SFMBT2: variants seen among roughly 807,000 people sequenced by gnomAD.
The protein encoded by SFMBT2 is Scm like with four mbt domains 2, also known as scm-like with four MBT domains protein 2.
SFMBT2 carries 38 observed loss-of-function variants against 110.1 expected under a neutral mutation model. The observed-to-expected ratio is 0.35, with a 90% CI of 0.27 to 0.45. The LOEUF is 0.45. Among genes scored for constraint, SFMBT2 ranks in the 20% least tolerant of loss-of-function variants. The probability of loss-of-function intolerance (pLI) is 1.00; values close to 1 mark genes in which losing one functional copy is unlikely to be tolerated. For missense variants in SFMBT2, 1,011 were observed against 1,094.9 expected (o/e 0.92, Z 1.08); for synonymous variants, 425 against 425.4 (o/e 1.00, Z 0.01).
chr10:7,194,466 T>G (rs1412529403), intron 15 of SFMBT2, among the ~76,000 whole-genome samples: 1 of 152,206 alleles, frequency 6.6e-6, no homozygotes, highest in Admixed American at 6.5e-5. Context: ...CGTCTATTTC[T>G]GGCAGAACAG....
chr10:7,328,438 T>C (rs555526713), intron 4 of SFMBT2, among the ~76,000 whole-genome samples: 1 of 152,368 alleles, frequency 6.6e-6, no homozygotes, highest in East Asian at 1.9e-4. Context: ...ATTTCATTCT[T>C]TTAAGTGTCC....
intron 4 of SFMBT2, among the ~76,000 whole-genome samples, chr10:7,336,919 A>AG (rs1843732246): frequency 6.6e-6 from 1 of 152,218 alleles, no homozygotes; most frequent in Admixed American, 6.5e-5. Context: ...GTATTCAATG[A>AG]GAAAAACTCA....
intron 9 of SFMBT2, among the ~76,000 whole-genome samples, chr10:7,230,271 C>A (rs1370929582): frequency 1.3e-5 from 2 of 152,164 alleles, no homozygotes; most frequent in African/African-American, 4.8e-5. Context: ...TCCCCTCCAG[C>A]TAAATGGCTC....
chr10:7,182,529 A>G (rs1838274296), intron 16 of SFMBT2, among the ~76,000 whole-genome samples: 1 of 152,176 alleles, frequency 6.6e-6, no homozygotes, highest in Admixed American at 6.5e-5. Flanking sequence ...ATGGACTACT[A>G]TGCAGCCATA....
chr10:7,267,252 C>T (rs1044596450), intron 7 of SFMBT2, among the ~76,000 whole-genome samples: 4 of 152,184 alleles, frequency 2.6e-5, no homozygotes, highest in Non-Finnish European at 5.9e-5. Flanking sequence ...TTCTGGACTT[C>T]ACCCCATTGC....
At chr10:7,327,058 A>C (rs1843406086) in intron 4 of SFMBT2, among the ~76,000 whole-genome samples, 1 of 150,928 alleles carries the variant, frequency 6.6e-6, no homozygotes, top group African/African-American at 2.4e-5. Context: ...CATACGAGGG[A>C]CTTTTGCCCC....
chr10:7,348,396 G>A, intron 4 of SFMBT2: 5 of 1,345,116 alleles, frequency 3.7e-6, no homozygotes, highest in Non-Finnish European at 4.9e-6. Context: ...TCCATGATGG[G>A]CTTTGGGGGG....
chr10:7,298,958 C>T (rs1269723647), intron 4 of SFMBT2, among the ~76,000 whole-genome samples: 1 of 152,130 alleles, frequency 6.6e-6, no homozygotes, highest in East Asian at 1.9e-4. Flanking sequence ...CATCTGTAAC[C>T]CCAGCACTTT....
chr10:7,176,990 G>A (rs1277369410), intron 16 of SFMBT2, among the ~76,000 whole-genome samples: 3 of 152,174 alleles, frequency 2.0e-5, no homozygotes, highest in African/African-American at 7.2e-5. Flanking sequence ...CTCTGCCCAT[G>A]AGGGTAACTG....
intron 11 of SFMBT2, among the ~76,000 whole-genome samples, chr10:7,218,285 T>A (rs763595304): frequency 6.6e-6 from 1 of 152,114 alleles, no homozygotes; most frequent in Non-Finnish European, 1.5e-5. Flanking sequence ...ACTAGATAGA[T>A]AAAACTGAAA....
intron 2 of SFMBT2, among the ~76,000 whole-genome samples, chr10:7,375,302 T>G (rs1845169938): frequency 6.6e-6 from 1 of 152,164 alleles, no homozygotes; most frequent in South Asian, 2.1e-4. Context: ...CATCTTTGTT[T>G]AAGGAATAAA....
chr10:7,363,960 AC>A (rs1844809473), intron 4 of SFMBT2, among the ~76,000 whole-genome samples: 4 of 152,284 alleles, frequency 2.6e-5, no homozygotes, highest in African/African-American at 9.6e-5. Context: ...TTCAAGTTTA[AC>A]CACAGCAAAG....
chr10:7,197,521 G>C (rs1838814595), intron 15 of SFMBT2, 27 bp downstream of exon 15: 1 of 1,605,320 alleles, frequency 6.2e-7, no homozygotes, highest in African/African-American at 1.3e-5. Flanking sequence ...GTTAAAATAA[G>C]CCAAGGTGAT....
chr10:7,341,751 T>C (rs948834759), intron 4 of SFMBT2, among the ~76,000 whole-genome samples: 4 of 152,132 alleles, frequency 2.6e-5, no homozygotes, highest in Non-Finnish European at 4.4e-5. Flanking sequence ...TTCAAAGCAA[T>C]AGAGTCTGGA....
chr10:7,221,294 T>TGGTG (rs1839727876), intron 10 of SFMBT2, among the ~76,000 whole-genome samples: 1 of 151,822 alleles, frequency 6.6e-6, no homozygotes, highest in African/African-American at 2.4e-5. Context: ...AGGTCGGGTG[T>TGGTG]GGTGGCTCAT....
chr10:7,374,093 C>T (rs115220815), intron 2 of SFMBT2, among the ~76,000 whole-genome samples: 1,540 of 152,148 alleles, frequency 0.01, 28 homozygotes, highest in African/African-American at 0.035. Flanking sequence ...TGAAACCCAT[C>T]TCTACTAAAA....
intron 7 of SFMBT2, among the ~76,000 whole-genome samples, chr10:7,264,906 A>T (rs925929508): frequency 7.9e-5 from 12 of 151,354 alleles, no homozygotes; most frequent in African/African-American, 2.4e-4. Context: ...TGGATCAAAC[A>T]ATCTGAAAAG....
At chr10:7,344,370 T>G (rs908883577) in intron 4 of SFMBT2, among the ~76,000 whole-genome samples, 3 of 152,164 alleles carry the variant, frequency 2.0e-5, no homozygotes, top group African/African-American at 4.8e-5. Flanking sequence ...GGTATCCTGA[T>G]AGTGAGTAAG....
intron 7 of SFMBT2, among the ~76,000 whole-genome samples, chr10:7,265,095 A>G (rs1841335968): frequency 1.3e-5 from 2 of 151,090 alleles, no homozygotes; most frequent in African/African-American, 4.9e-5. Flanking sequence ...TAATGCTGAG[A>G]TTTTAATTTT....
Sources: allele counts gnomAD v4.1 joint callset (sites outside exome capture counted in the v4.1 genomes callset), GRCh38; gene constraint gnomAD v4.1.1; transcripts MANE v1.5; gene names NCBI Gene and HGNC (gene_info 2026-07-23, HGNC 2026-07-21).